The following SMC5 variants were observed in gnomAD, a reference collection of about 807,000 sequenced individuals.
SMC5 encodes the protein structural maintenance of chromosomes 5, also known as structural maintenance of chromosomes protein 5.
Under a neutral mutation model 148.3 loss-of-function variants are expected in SMC5, and 88 were observed. The ratio of observed to expected loss-of-function variants is 0.59; its 90% CI spans 0.50 to 0.71. The LOEUF is 0.71. Ranked by LOEUF, SMC5 falls within the 30% of genes least tolerant of loss-of-function variation. The probability of loss-of-function intolerance (pLI) is 0.00; values close to 1 mark genes in which losing one functional copy is unlikely to be tolerated. For missense variants in SMC5, 1,142 were observed against 1,298.9 expected, an observed-to-expected ratio of 0.88 and a Z score of 1.86; for synonymous variants, 421 against 432.8, an observed-to-expected ratio of 0.97 and a Z score of 0.34.
intron 8 of SMC5, among the ~76,000 whole-genome samples, chr9:70,290,035 G>A (rs1053705638): frequency 1.3e-5 from 2 of 152,048 alleles, no homozygotes; most frequent in African/African-American, 2.4e-5. Flanking sequence ...TTCTGGATTA[G>A]GGAAGCTGAA....
intron 17 of SMC5, among the ~76,000 whole-genome samples, chr9:70,331,718 G>C (rs954503961): frequency 6.6e-6 from 1 of 152,144 alleles, no homozygotes; most frequent in Admixed American, 6.5e-5. Flanking sequence ...TTTTGTATAT[G>C]TTTGAAATTT....
intron 17 of SMC5, among the ~76,000 whole-genome samples, chr9:70,334,468 A>G (rs2036306550): frequency 6.6e-6 from 1 of 152,222 alleles, no homozygotes; most frequent in South Asian, 2.1e-4. Context: ...AAGGCAGGCT[A>G]CAAACTGGGA....
At chr9:70,275,094 T>TA (rs1330554766) in intron 3 of SMC5, among the ~76,000 whole-genome samples, 1 of 152,192 alleles carries the variant, frequency 6.6e-6, no homozygotes, top group Non-Finnish European at 1.5e-5. Context: ...ACTCAGTTTT[T>TA]AATCTGAAAA....
intron 8 of SMC5, among the ~76,000 whole-genome samples, chr9:70,297,049 A>G (rs1054427309): frequency 2.0e-5 from 3 of 150,616 alleles, no homozygotes; most frequent in Non-Finnish European, 4.4e-5. Context: ...GAGTATCTCT[A>G]TCCAAAATAC....
intron 8 of SMC5, among the ~76,000 whole-genome samples, chr9:70,293,371 A>T (rs938431407): frequency 7.2e-6 from 1 of 139,294 alleles, no homozygotes; most frequent in Non-Finnish European, 1.5e-5. Context: ...TAATCTTGCC[A>T]AAGATTTTCT....
Position 70,264,322 on chromosome 9 carries a change from A to G in SMC5, c.204A>G (p.Glu68=), listed in dbSNP as rs1238460629. The change falls in exon 2 of 25, where the codon GAA becomes GAG. Residue 68 remains glutamate (E), a synonymous_variant. Coordinates refer to ENST00000361138, the MANE Select transcript of SMC5 (RefSeq NM_015110.4). ...AATTCAGAACATATGATATTTGTGA[A>G]GTATCTCCTGGACCCCACTTGAATA... The part of the protein sequence containing the change: ...MENFLTYDIC[E]VSPGPHLNMI... 1.2e-6 allele frequency: 2 copies of G among 1,613,276 alleles called. No individual in the cohort carries two copies. Among genetic ancestry groups the G allele is most frequent in the Non-Finnish European group, 1.7e-6 (2 of 1,179,624 alleles).
chr9:70,293,109 A>ACT (rs1386603481), intron 8 of SMC5, among the ~76,000 whole-genome samples: 1 of 151,862 alleles, frequency 6.6e-6, no homozygotes, highest in South Asian at 2.1e-4. Context: ...CTCAAGTGAA[A>ACT]CTCTCTGGTT....
chr9:70,320,218 C>A (rs912790434), intron 15 of SMC5, among the ~76,000 whole-genome samples: 1 of 152,198 alleles, frequency 6.6e-6, no homozygotes, highest in African/African-American at 2.4e-5. Flanking sequence ...GCCTGCCCTC[C>A]ATATTCGTGG....
chr9:70,280,927 A>G, intron 6 of SMC5, 28 bp downstream of exon 6: 2 of 1,611,846 alleles, frequency 1.2e-6, no homozygotes, highest in Non-Finnish European at 1.7e-6. Flanking sequence ...GAGGCAAAGT[A>G]CGTGTTTCTT....
At chr9:70,347,868 A>G in intron 21 of SMC5, 51 bp from the exon 22 acceptor site, 1 of 1,511,994 alleles carries the variant, frequency 6.6e-7, no homozygotes, top group Non-Finnish European at 9.0e-7. Flanking sequence ...GTGTGTCAGA[A>G]TATAGTAATA....
chr9:70,350,318 G>A lies in SMC5; in HGVS notation c.3069+25G>A, dbSNP rs41287363. On this transcript the variant is annotated intron_variant, in intron 23 of 24. Coordinates refer to ENST00000361138, the MANE Select transcript of SMC5 (RefSeq NM_015110.4). ...GGTATGGTGATTGTTCTGTTACTTGGATCTTCTTATATCCTGTAACAGGAA... is the reference window on the plus strand; with the variant it reads ...GGTATGGTGATTGTTCTGTTACTTGAATCTTCTTATATCCTGTAACAGGAA... 8.1e-4 allele frequency: 1,299 copies of A among 1,610,532 alleles called. 1 individual carries two copies. The highest frequency in any genetic ancestry group is 3.1e-3 in the Middle Eastern group (19 of 6,044).
rs73446761 is a variant in SMC5, at chr9:70,259,373, G to T, written c.185+110G>T. On this transcript the variant is annotated intron_variant, in intron 1 of 24. Coordinates refer to ENST00000361138, the MANE Select transcript of SMC5 (RefSeq NM_015110.4). ...GTGTGGGTGTGTACCTGGCTTGTGGGTCTGGCCTTGAATTCGTGCCGGGGT... is the reference window on the plus strand; with the variant it reads ...GTGTGGGTGTGTACCTGGCTTGTGGTTCTGGCCTTGAATTCGTGCCGGGGT... 2.5e-6 allele frequency: 3 copies of T among 1,177,820 alleles called. No homozygotes were observed. In the East Asian group the frequency reaches 8.1e-5, roughly 32 times the overall value. 73.0% of individuals were successfully genotyped at this position (1,177,820 alleles called of 1,614,324 possible).
intron 11 of SMC5, among the ~76,000 whole-genome samples, chr9:70,312,463 G>A (rs961128511): frequency 1.3e-5 from 2 of 152,182 alleles, no homozygotes; most frequent in Non-Finnish European, 2.9e-5. Flanking sequence ...TGGGAACACA[G>A]AGCCAAACTA....
chr9:70,345,610 C>T (rs2036646785), intron 18 of SMC5, among the ~76,000 whole-genome samples: 1 of 151,782 alleles, frequency 6.6e-6, no homozygotes, highest in African/African-American at 2.4e-5. Flanking sequence ...TGGGATGTTT[C>T]AGAATAAAAG....
chr9:70,333,240 G>T (rs534285667), intron 17 of SMC5, among the ~76,000 whole-genome samples: 1 of 152,070 alleles, frequency 6.6e-6, no homozygotes, highest in African/African-American at 2.4e-5. Context: ...AATTCATTGC[G>T]GCCCCACCTA....
At chr9:70,292,069 C>T (rs944261153) in intron 8 of SMC5, among the ~76,000 whole-genome samples, 1 of 152,122 alleles carries the variant, frequency 6.6e-6, no homozygotes, top group African/African-American at 2.4e-5. Context: ...CAGATTGTTA[C>T]AAGCATTTGG....
At chr9:70,278,700 T>G in intron 5 of SMC5, 75 bp downstream of exon 5, 1 of 1,401,814 alleles carries the variant, frequency 7.1e-7, no homozygotes, top group Non-Finnish European at 9.6e-7. Flanking sequence ...GAGAGAGTAG[T>G]AGTATTGATT....
At chr9:70,281,613 T>C (rs2034752049) in intron 6 of SMC5, among the ~76,000 whole-genome samples, 1 of 152,214 alleles carries the variant, frequency 6.6e-6, no homozygotes, top group Non-Finnish European at 1.5e-5. Context: ...GAAAGTTTTG[T>C]AGTGTTTGTT....
intron 22 of SMC5, 72 bp downstream of exon 22, chr9:70,348,110 T>C: frequency 7.9e-7 from 1 of 1,271,238 alleles, no homozygotes; most frequent in African/African-American, 1.6e-5. Flanking sequence ...TACATATAAA[T>C]TATTTATTTA....
Sources: gnomAD v4.1 joint callset for allele counts (sites outside exome capture counted in the v4.1 genomes callset) on GRCh38, gnomAD v4.1.1 for gene constraint, MANE v1.5 for transcripts, NCBI Gene and HGNC (gene_info 2026-07-23, HGNC 2026-07-21) for gene names.